Variants in POPDC1 observed in about 807,000 individuals in gnomAD.
POPDC1 encodes popeye domain-containing protein 1.
the POPDC1 span, among the ~76,000 whole-genome samples, chr6:105,108,027 A>G: frequency 2.0e-5 from 3 of 152,308 alleles, no homozygotes; most frequent in Admixed American, 2.0e-4. Context: ...AGGTTGAAGT[A>G]GCTTAGTGGT....
At chr6:105,109,763 C>CAAAAAA in the POPDC1 span, among the ~76,000 whole-genome samples, 130 of 22,872 alleles carry the variant, frequency 5.7e-3, 17 homozygotes, top group Non-Finnish European at 0.01. Context: ...GACCCTTTCT[C>CAAAAAA]AAAAAAAAAA....
chr6:105,136,009 A>C, the POPDC1 span, among the ~76,000 whole-genome samples: 120 of 152,294 alleles, frequency 7.9e-4, 1 homozygote, highest in Non-Finnish European at 1.2e-3. Flanking sequence ...TATACTAGTA[A>C]AGTTTTGTTT....
At chr6:105,132,946 C>T in the POPDC1 span, among the ~76,000 whole-genome samples, 1 of 152,152 alleles carries the variant, frequency 6.6e-6, no homozygotes, top group African/African-American at 2.4e-5. Flanking sequence ...TTCACAACAA[C>T]TTTGGGAGGT....
chr6:105,119,000 C>T, the POPDC1 span, among the ~76,000 whole-genome samples: 1 of 152,022 alleles, frequency 6.6e-6, no homozygotes, highest in African/African-American at 2.4e-5. Context: ...CCTGGGCCAA[C>T]ATGGTGAAAC....
At chr6:105,106,799 C>CT in the POPDC1 span, among the ~76,000 whole-genome samples, 1 of 105,386 alleles carries the variant, frequency 9.5e-6, no homozygotes, top group African/African-American at 3.3e-5. Flanking sequence ...CCTTAAAAAC[C>CT]TTTTTTTTAG....
chr6:105,106,262 T>C, the POPDC1 span, among the ~76,000 whole-genome samples: 1 of 152,136 alleles, frequency 6.6e-6, no homozygotes, highest in Admixed American at 6.5e-5. Flanking sequence ...TTACACCAAG[T>C]GGCAAAAAAG....
chr6:105,117,964 T>C, the POPDC1 span, among the ~76,000 whole-genome samples: 1 of 152,148 alleles, frequency 6.6e-6, no homozygotes, highest in Non-Finnish European at 1.5e-5. Flanking sequence ...GAGGATCACC[T>C]GAGCCCAGGA....
chr6:105,128,628 T>C, the POPDC1 span, among the ~76,000 whole-genome samples: 2 of 152,240 alleles, frequency 1.3e-5, no homozygotes, highest in Non-Finnish European at 1.5e-5. Flanking sequence ...ACAATCTAGT[T>C]GAATGCCTAT....
chr6:105,113,831 T>TTA, the POPDC1 span, among the ~76,000 whole-genome samples: 976 of 146,838 alleles, frequency 6.6e-3, 14 homozygotes, highest in Middle Eastern at 0.018. Flanking sequence ...TTTTTTTTTT[T>TTA]ATAGAGACAA....
At chr6:105,116,912 ATATGAAT>A in the POPDC1 span, 16 of 1,557,960 alleles carry the variant, frequency 1.0e-5, no homozygotes, top group Non-Finnish European at 8.7e-7. Context: ...ACATCTATGT[ATATGAAT>A]TATGACTATA....
the POPDC1 span, chr6:105,115,621 C>A: frequency 1.9e-6 from 3 of 1,550,756 alleles, no homozygotes; most frequent in Non-Finnish European, 1.7e-6. Flanking sequence ...TCAAAGTTGT[C>A]ATTTGTCTAT....
the POPDC1 span, chr6:105,100,279 G>A: frequency 6.6e-6 from 1 of 152,152 alleles, no homozygotes; most frequent in African/African-American, 2.4e-5. Context: ...GGAGGCCAAG[G>A]TGGGCGGATC....
chr6:105,132,087 T>A, the POPDC1 span, among the ~76,000 whole-genome samples: 1 of 151,180 alleles, frequency 6.6e-6, no homozygotes, highest in Non-Finnish European at 1.5e-5. Flanking sequence ...TGCCTCAGCC[T>A]CCCGAGTAGT....
chr6:105,121,243 A>G, the POPDC1 span, among the ~76,000 whole-genome samples: 1 of 151,954 alleles, frequency 6.6e-6, no homozygotes, highest in East Asian at 1.9e-4. Context: ...AAAGAACAAG[A>G]AACCAAACAA....
the POPDC1 span, among the ~76,000 whole-genome samples, chr6:105,128,059 C>T: frequency 6.6e-6 from 1 of 152,238 alleles, no homozygotes; most frequent in African/African-American, 2.4e-5. Context: ...TGCACCTTGC[C>T]TAATACTTTT....
At chr6:105,123,778 C>G in the POPDC1 span, among the ~76,000 whole-genome samples, 2 of 152,204 alleles carry the variant, frequency 1.3e-5, no homozygotes, top group African/African-American at 4.8e-5. Context: ...GTTCTTTCCC[C>G]TTAAACATAT....
At chr6:105,115,707 T>C in the POPDC1 span, 11 of 1,614,002 alleles carry the variant, frequency 6.8e-6, no homozygotes, top group Non-Finnish European at 9.3e-6. Context: ...ATGCTGGAGG[T>C]ACCCCGAAGA....
chr6:105,133,395 A>G, the POPDC1 span: 1 of 1,613,752 alleles, frequency 6.2e-7, no homozygotes. Flanking sequence ...GAAGGTGAAG[A>G]GTAGTTGGAA....
At chr6:105,130,132 A>G in the POPDC1 span, among the ~76,000 whole-genome samples, 2 of 152,228 alleles carry the variant, frequency 1.3e-5, no homozygotes, top group South Asian at 4.1e-4. Context: ...AAGCCATTAA[A>G]TATCAAATAA....
Sources: allele counts gnomAD v4.1 joint callset (sites outside exome capture counted in the v4.1 genomes callset), GRCh38; gene constraint gnomAD v4.1.1; transcripts MANE v1.5; gene names NCBI Gene and HGNC (gene_info 2026-07-23, HGNC 2026-07-21).